Variants in TNIP1 observed in about 807,000 individuals in gnomAD.
TNIP1 encodes the protein TNFAIP3-interacting protein 1.
TNIP1 carries 22 observed loss-of-function variants against 86.6 expected under a neutral mutation model. That is an observed-to-expected ratio of 0.25 (90% CI 0.18 to 0.36). The LOEUF (loss-of-function observed/expected upper bound fraction) is 0.36, where lower values mean the gene tolerates loss of function less well. Ranked by LOEUF, TNIP1 falls within the 10% of genes least tolerant of loss-of-function variation. The pLI, the probability that TNIP1 is intolerant of heterozygous loss-of-function variation, is 1.00. For missense variants in TNIP1, 709 were observed against 820.6 expected (o/e 0.86, Z 1.66); for synonymous variants, 294 against 313.0 (o/e 0.94, Z 0.64).
intron 15 of TNIP1, chr5:151,034,707 T>C: frequency 2.4e-6 from 1 of 417,592 alleles, no homozygotes; most frequent in Non-Finnish European, 4.4e-6. Flanking sequence ...GGCTGGAACA[T>C]GGGCATAGAA....
chr5:151,039,342 T>G, intron 11 of TNIP1, 117 bp from the exon 12 acceptor site: 1 of 1,217,920 alleles, frequency 8.2e-7, no homozygotes, highest in Non-Finnish European at 1.1e-6. Flanking sequence ...TTCACAATGC[T>G]CACATGCAAA....
intron 6 of TNIP1, among the ~76,000 whole-genome samples, chr5:151,052,475 T>TA (rs1333762383): frequency 6.6e-6 from 1 of 152,200 alleles, no homozygotes; most frequent in Non-Finnish European, 1.5e-5. Flanking sequence ...CCTGACCAAG[T>TA]ATCAGCCATG....
chr5:151,062,145 G>C lies in TNIP1; in HGVS notation c.339C>G (p.Val113=). 1 of 1,614,160 alleles carries C rather than the reference G, an allele frequency of 6.2e-7. No homozygotes were observed. The highest frequency in any genetic ancestry group is 8.5e-7 in the Non-Finnish European group (1 of 1,180,010). The change falls in exon 4 of 18, where the codon GTC becomes GTG. Residue 113 remains valine, a synonymous_variant. Transcript: ENST00000521591. ...PACPSDKPAP[V]QKPPSSGTSS... is the part of the protein sequence containing the mutation. The stretch of plus-strand genomic sequence containing the variant: ...AACTTACACTGGATGGAGGCTTCTG[G>C]ACTGGTGCTGGCTTGTCACTGGGGC...
chr5:151,058,307 T>C (rs969847467), intron 5 of TNIP1, among the ~76,000 whole-genome samples: 7 of 152,214 alleles, frequency 4.6e-5, no homozygotes, highest in Non-Finnish European at 8.8e-5. Flanking sequence ...ACCACAGCTT[T>C]AGCTATTTCA....
intron 7 of TNIP1, among the ~76,000 whole-genome samples, chr5:151,050,823 C>T (rs1313761599): frequency 6.6e-6 from 1 of 151,906 alleles, no homozygotes; most frequent in Admixed American, 6.6e-5. Context: ...CACCACCACA[C>T]CCAGCTAATT....
chr5:151,033,354 T>G (rs1229625447), intron 16 of TNIP1: 3 of 371,806 alleles, frequency 8.1e-6, no homozygotes, highest in African/African-American at 6.2e-5. Context: ...CTTCCCACCC[T>G]GCACTCTTAC....
chr5:151,078,351 C>G (rs1180699526), intron 1 of TNIP1: 1 of 152,194 alleles, frequency 6.6e-6, no homozygotes, highest in Non-Finnish European at 1.5e-5. Flanking sequence ...ATTCACTGAA[C>G]AAACTCAGAA....
At position 151,050,639 on chromosome 5, in the gene TNIP1, C is replaced by T. The variant is rs1394890977; in HGVS notation, c.723-692G>A. 3.9e-5 allele frequency among the ~76,000 whole-genome samples: 6 copies of T among 152,052 alleles called. No homozygotes were observed. In the East Asian group the frequency reaches 1.2e-3, roughly 29 times the overall value. On this transcript the variant is annotated intron_variant, in intron 7 of 17. Coordinates refer to ENST00000521591, the MANE Select transcript of TNIP1 (RefSeq NM_006058.5). ...TTCAGGTCTGACTAAAATGTTTCTT[C>T]TTTCTTTTTTTTGAGATAGGGTCTC...
intron 4 of TNIP1, among the ~76,000 whole-genome samples, chr5:151,060,766 C>G (rs1451370551): frequency 6.6e-6 from 1 of 152,208 alleles, no homozygotes; most frequent in African/African-American, 2.4e-5. Context: ...AGGTTATATC[C>G]TCTTTGGAAA....
At chr5:151,058,915 C>A (rs568829358) in intron 5 of TNIP1, among the ~76,000 whole-genome samples, 1 of 152,210 alleles carries the variant, frequency 6.6e-6, no homozygotes, top group Non-Finnish European at 1.5e-5. Context: ...TGACTATAAC[C>A]CCAACTTGGC....
At chr5:151,040,040 G>A (rs572018196) in intron 11 of TNIP1, among the ~76,000 whole-genome samples, 22 of 152,370 alleles carry the variant, frequency 1.4e-4, no homozygotes, top group Admixed American at 3.3e-4. Context: ...CACACAGTGA[G>A]CTGGGGCTAG....
chr5:151,053,877 G>C (rs1760302145), intron 6 of TNIP1, among the ~76,000 whole-genome samples: 1 of 152,216 alleles, frequency 6.6e-6, no homozygotes, highest in Non-Finnish European at 1.5e-5. Context: ...CCCCACACTG[G>C]TGTCTCTTTC....
At chr5:151,077,969 C>T (rs981970514) in intron 1 of TNIP1, among the ~76,000 whole-genome samples, 122 of 152,298 alleles carry the variant, frequency 8.0e-4, no homozygotes, top group African/African-American at 2.8e-3. Context: ...TTCCACTCTG[C>T]ACTTTGTCAT....
upstream of TNIP1, among the ~76,000 whole-genome samples, chr5:151,085,841 C>G (rs552094859): frequency 6.6e-6 from 1 of 152,214 alleles, no homozygotes; most frequent in African/African-American, 2.4e-5. Context: ...CCCACAAAAC[C>G]GGAGCATTTC....
chr5:151,049,285 T>C (rs758052427), intron 8 of TNIP1, among the ~76,000 whole-genome samples: 5 of 151,978 alleles, frequency 3.3e-5, no homozygotes, highest in African/African-American at 4.8e-5. Flanking sequence ...ATGTGGCCAG[T>C]GCTGGGACTA....
At chr5:151,040,347 A>G (rs749561849) in intron 11 of TNIP1, among the ~76,000 whole-genome samples, 19 of 152,284 alleles carry the variant, frequency 1.2e-4, no homozygotes, top group Admixed American at 7.2e-4. Context: ...TTAAGAGACC[A>G]GTCGCAGGGG....
Position 151,060,308 on chromosome 5 carries a change from G to C in TNIP1, c.435+10C>G. 6.2e-7 allele frequency: 1 copy of C among 1,613,844 alleles called. No homozygotes were observed. The highest frequency in any genetic ancestry group is 8.5e-7 in the Non-Finnish European group (1 of 1,179,954). On this transcript the variant is annotated intron_variant, in intron 5 of 17. Coordinates refer to ENST00000521591, the MANE Select transcript of TNIP1 (RefSeq NM_006058.5). Reference sequence around the variant, plus strand: ...GCAGGTCAAGCCCGGGGTCCTGCCCGTCCACTCACCATCGCATTGGCATGG... The same window carrying C: ...GCAGGTCAAGCCCGGGGTCCTGCCCCTCCACTCACCATCGCATTGGCATGG...
chr5:151,033,600 A>G lies in TNIP1; in HGVS notation c.1779+8T>C. 1 of 1,376,288 alleles carries G rather than the reference A, an allele frequency of 7.3e-7. No individual in the cohort carries two copies. The highest frequency in any genetic ancestry group is 9.5e-7 in the Non-Finnish European group (1 of 1,051,210). The allele number at this position is 1,376,288 out of a possible 1,614,324, so 85.3% of individuals were successfully genotyped here. A position where few individuals can be genotyped will look rare whatever the true frequency, so the allele number is the denominator to read the frequency against. On this transcript the variant is annotated splice_region_variant and intron_variant, in intron 16 of 17. Transcript: ENST00000521591. ...GTGCCCTGGAGCAAGGGAGGGACACAGACTCACCAGATGGAAGAGGCGCGA... is the reference window on the plus strand; with the variant it reads ...GTGCCCTGGAGCAAGGGAGGGACACGGACTCACCAGATGGAAGAGGCGCGA...
rs13356420 is a variant in TNIP1, at chr5:151,080,522, G to C, written c.-37+358C>G. Among the ~76,000 whole-genome samples, 5 of 151,990 alleles carry C rather than the reference G, an allele frequency of 3.3e-5. No individual in the cohort carries two copies. The South Asian group carries it at 1.0e-3, about 31-fold the overall frequency. On this transcript the variant is annotated intron_variant, in intron 1 of 17. Coordinates refer to ENST00000521591, the MANE Select transcript of TNIP1 (RefSeq NM_006058.5). ...CATATGTACACTGCTTCCACAACTT[G>C]ATACGAAAACTCCTGACGCCGCGTA...
Sources: gnomAD v4.1 joint callset for allele counts (sites outside exome capture counted in the v4.1 genomes callset) on GRCh38, gnomAD v4.1.1 for gene constraint, MANE v1.5 for transcripts, NCBI Gene and HGNC (gene_info 2026-07-23, HGNC 2026-07-21) for gene names.